The following SYN1 variants were observed in gnomAD, a reference collection of about 807,000 sequenced individuals.
The protein encoded by SYN1 is synapsin I, also known as synapsin-1.
A neutral mutation model predicts 44.6 loss-of-function variants in SYN1; 8 were observed. The ratio of observed to expected loss-of-function variants is 0.18; its 90% CI spans 0.11 to 0.32. The LOEUF is 0.32. Among genes scored for constraint, SYN1 ranks in the 10% least tolerant of loss-of-function variants. The probability of loss-of-function intolerance (pLI) is 1.00; values close to 1 mark genes in which losing one functional copy is unlikely to be tolerated. For missense variants in SYN1, 451 were observed against 639.4 expected, an observed-to-expected ratio of 0.71 and a Z score of 3.18; for synonymous variants, 275 against 280.1, an observed-to-expected ratio of 0.98 and a Z score of 0.18.
chrX:47,581,258 G>A (rs943782766), intron 5 of SYN1, among the ~76,000 whole-genome samples: 1 of 112,338 alleles, frequency 8.9e-6, no homozygotes, highest in East Asian at 2.8e-4. Flanking sequence ...CACAGAAAGT[G>A]CTCAATAAGT....
At chrX:47,584,851 C>A in intron 5 of SYN1, 1 of 841,049 alleles carries the variant, frequency 1.2e-6, no homozygotes, top group Non-Finnish European at 1.7e-6. Context: ...ATGCGCTTTG[C>A]TGGTATGATG....
At chrX:47,585,719 C>T (rs367699433) in intron 5 of SYN1, 3 of 1,197,181 alleles carry the variant, frequency 2.5e-6, no homozygotes, top group Non-Finnish European at 3.4e-6. Flanking sequence ...GGGGCCATTC[C>T]CTAAATCGTG....
intron 1 of SYN1, among the ~76,000 whole-genome samples, chrX:47,615,858 C>G (rs2057929793): frequency 9.1e-6 from 1 of 110,033 alleles, no homozygotes; most frequent in Non-Finnish European, 1.9e-5. Flanking sequence ...TGCCATTGCA[C>G]TCCAGCCTGG....
chrX:47,586,717 C>G, intron 5 of SYN1: 1 of 1,199,230 alleles, frequency 8.3e-7, no homozygotes, highest in South Asian at 1.8e-5. Context: ...GAAGCTGAAG[C>G]CTGCACAGTG....
intron 1 of SYN1, among the ~76,000 whole-genome samples, chrX:47,608,527 A>C (rs2057906870): frequency 9.0e-6 from 1 of 110,922 alleles, no homozygotes; most frequent in Non-Finnish European, 1.9e-5. Context: ...TGCATCCGAT[A>C]AGGAGGAGTG....
intron 5 of SYN1, among the ~76,000 whole-genome samples, chrX:47,589,403 C>A (rs1464114376): frequency 9.3e-6 from 1 of 107,181 alleles, no homozygotes; most frequent in South Asian, 4.1e-4. Context: ...ACCATCCTGG[C>A]TAACAAGGTG....
At chrX:47,608,904 C>T (rs896618802) in intron 1 of SYN1, among the ~76,000 whole-genome samples, 15 of 105,742 alleles carry the variant, frequency 1.4e-4, no homozygotes, top group Non-Finnish European at 2.3e-4. Context: ...CACACACACA[C>T]ACACACACAC....
Position 47,619,631 on chromosome X carries a change from G to C in SYN1, c.98C>G (p.Pro33Arg), listed in dbSNP as rs760850291. ...TDLQRPQPPP[P>R]PPGAHSPGAT... ...TCCGGGGCTGTGGGCACCGGGCGGC[G>C]GTGGGGGCGGCTGCGGACGCTGCAG... Residue 33 changes from proline to arginine, a missense_variant, in exon 1 of 13, where the codon CCG (proline) becomes CGG (arginine). Pro to Arg is a moderately radical substitution (Grantham distance 103, BLOSUM62 -2). Around this residue, in one of 3 missense-constraint regions of SYN1, gnomAD observed 315 missense variants for 451.4 expected, o/e 0.70. Coordinates refer to ENST00000295987, the MANE Select transcript of SYN1 (RefSeq NM_006950.3). 1.7e-6 allele frequency: 2 copies of C among 1,158,746 alleles called. No homozygotes were observed. Among genetic ancestry groups the C allele is most frequent in the African/African-American group, 3.6e-5 (2 of 55,027 alleles).
rs377385507 is a variant in SYN1 at position 47,576,240 on chromosome X, AGACAAAG to A, written c.1056-14_1056-8del. 1,408 of 1,200,263 alleles carry A rather than the reference AGACAAAG, an allele frequency of 1.2e-3. 11 individuals are homozygous for A. In the African/African-American group the frequency reaches 0.02, roughly 17 times the overall value. ...GTCCACCCACAGCTTGTATCTGCCA[AGACAAAG>A]GGTGGGGAAGCCTGTCAGTCTCTCA... On this transcript the variant is annotated splice_polypyrimidine_tract_variant and splice_region_variant and intron_variant, in intron 8 of 12. Transcript: ENST00000295987.
intron 5 of SYN1, chrX:47,585,570 T>G: frequency 8.3e-7 from 1 of 1,200,033 alleles, no homozygotes; most frequent in Non-Finnish European, 1.1e-6. Flanking sequence ...CTCTTGCACA[T>G]CACTACCTGC....
At chrX:47,582,546 G>A (rs2057802902) in intron 5 of SYN1, 2 of 354,897 alleles carry the variant, frequency 5.6e-6, no homozygotes, top group South Asian at 2.6e-5. Flanking sequence ...CACCAGGCCC[G>A]TGCACTCCCG....
At chrX:47,585,849 T>G (rs755620826) in intron 5 of SYN1, 1 of 1,145,722 alleles carries the variant, frequency 8.7e-7, no homozygotes. Context: ...TTACAAATTC[T>G]GGCTGCTCCC....
chrX:47,599,959 A>T (rs2057874933), intron 5 of SYN1, among the ~76,000 whole-genome samples: 1 of 112,601 alleles, frequency 8.9e-6, no homozygotes, highest in Admixed American at 9.4e-5. Flanking sequence ...GGTAAAATAG[A>T]ATTTAAAACA....
At position 47,574,369 on chromosome X, in the gene SYN1, C is replaced by T. The variant is rs794727076; in HGVS notation, c.1615G>A (p.Gly539Ser). 269 of 1,022,489 alleles carry T rather than the reference C, an allele frequency of 2.6e-4. 1 individual carries two copies. Among genetic ancestry groups the T allele is most frequent in the Middle Eastern group, 1.2e-3 (3 of 2,599 alleles). The allele number at this position is 1,022,489 out of a possible 1,213,427, so 84.3% of individuals were successfully genotyped here. Residue 539 changes from glycine (G) to serine (S), a missense_variant, in exon 12 of 13, where the codon GGC (glycine) becomes AGC (serine). Physicochemically the swap from Gly to Ser is moderately conservative, Grantham distance 56 (BLOSUM62 0). Transcript: ENST00000295987. ...CGGGCTGCTGGAGGCGCCCCGGGGC[C>T]TCCCGCCACTGGCCGGGATTGGCGG... ...QGRQSRPVAG[G>S]PGAPPAARPP...
rs368232150 is a variant in SYN1, at chrX:47,607,210, A to G, written c.378-12T>C. On this transcript the variant is annotated splice_polypyrimidine_tract_variant and intron_variant, in intron 1 of 12. Coordinates refer to ENST00000295987, the MANE Select transcript of SYN1 (RefSeq NM_006950.3). ...TGAAGTATTTTGCCCTGGAGAGGAA[A>G]AACAACACATCTGTCAATGATGAAA... 4 of 1,204,168 alleles carry G rather than the reference A, an allele frequency of 3.3e-6. No individual in the cohort carries two copies. Among genetic ancestry groups the G allele is most frequent in the African/African-American group, 1.7e-5 (1 of 57,174 alleles).
Position 47,605,206 on chromosome X carries a change from C to A in SYN1, c.684+17G>T, listed in dbSNP as rs1603070643. ...TGAGCTGTTCCCTCTGCCAGTGGCA[C>A]CCTTCCTGTTACTTACCACCCAGGG... On this transcript the variant is annotated intron_variant, in intron 4 of 12. Coordinates refer to ENST00000295987, the MANE Select transcript of SYN1 (RefSeq NM_006950.3). 1 of 1,208,846 alleles carries A rather than the reference C, an allele frequency of 8.3e-7. No individual in the cohort carries two copies. Among genetic ancestry groups the A allele is most frequent in the African/African-American group, 1.7e-5 (1 of 57,788 alleles).
chrX:47,579,286 T>C (rs2057788262), intron 5 of SYN1, among the ~76,000 whole-genome samples: 1 of 111,420 alleles, frequency 9.0e-6, no homozygotes, highest in Non-Finnish European at 1.9e-5. Flanking sequence ...GCTCTGTATA[T>C]GTGTGTGTGC....
chrX:47,583,481 G>A (rs1260941670), intron 5 of SYN1: 11 of 1,206,044 alleles, frequency 9.1e-6, no homozygotes, highest in African/African-American at 1.8e-5. Context: ...CCCCCAGCAG[G>A]GCCTGCACCT....
intron 5 of SYN1, among the ~76,000 whole-genome samples, chrX:47,595,674 G>A (rs1486530141): frequency 8.9e-6 from 1 of 111,782 alleles, no homozygotes. Flanking sequence ...GAAATGAAAT[G>A]TCCTAGCTGT....
Sources: allele counts gnomAD v4.1 joint callset (sites outside exome capture counted in the v4.1 genomes callset), GRCh38; gene constraint gnomAD v4.1.1; regional missense constraint gnomAD v4.1.1; transcripts MANE v1.5; gene names NCBI Gene and HGNC (gene_info 2026-07-23, HGNC 2026-07-21).